C11orf54: variants seen among roughly 807,000 people sequenced by gnomAD.
The protein encoded by C11orf54 is beta-keto L-gulonate decarboxylase.
Under a neutral mutation model 35.5 loss-of-function variants are expected in C11orf54, and 29 were observed. The observed-to-expected ratio is 0.82, with a 90% CI of 0.61 to 1.11. C11orf54 has a LOEUF of 1.11. C11orf54 is among the 50% of genes most tolerant of loss of function. The pLI is 0.00. For missense variants in C11orf54, 373 were observed against 369.2 expected (o/e 1.01, Z -0.08); for synonymous variants, 108 against 121.1 (o/e 0.89, Z 0.71).
At chr11:93,758,348 C>T (rs1212408475) in intron 7 of C11orf54, among the ~76,000 whole-genome samples, 4 of 152,256 alleles carry the variant, frequency 2.6e-5, no homozygotes. Context: ...AGAGCCCCAA[C>T]TGCCCAGGCG....
At chr11:93,755,992 C>T (rs1271700679) in intron 6 of C11orf54, among the ~76,000 whole-genome samples, 1 of 151,704 alleles carries the variant, frequency 6.6e-6, no homozygotes, top group African/African-American at 2.4e-5. Context: ...CATAGCGAAA[C>T]CTCGTCTCTA....
At position 93,757,380 on chromosome 11, in the gene C11orf54, C is replaced by T; in HGVS notation, c.572C>T (p.Thr191Ile). The change falls in exon 7 of 9, where the codon ACC becomes ATC. Residue 191 changes from threonine (T) to isoleucine (I), a missense_variant. Physicochemically the swap from Thr to Ile is moderately conservative, Grantham distance 89 (BLOSUM62 -1). Transcript: ENST00000354421. ...AACTTTGTGACTTGTATGAGAGAGA[C>T]CCTGGAAAAACATTATGGAAATAAG... ...PLNFVTCMRE[T>I]LEKHYGNKPI... The T allele has an allele frequency of 6.3e-7, 1 of 1,598,074 alleles. No homozygotes were observed. Among genetic ancestry groups the T allele is most frequent in the Non-Finnish European group, 8.5e-7 (1 of 1,179,696 alleles).
chr11:93,756,306 C>T (rs1345238980), intron 6 of C11orf54, among the ~76,000 whole-genome samples: 4 of 144,182 alleles, frequency 2.8e-5, no homozygotes. Flanking sequence ...CATGGCAAGA[C>T]CCTGTCAAAA....
rs1168952816 is a variant in C11orf54 at position 93,746,134 on chromosome 11, T to C, written c.-97-1163T>C. The C allele has an allele frequency of 2.0e-5, 3 of 152,230 alleles. No individual in the cohort carries two copies. In the East Asian group the frequency reaches 5.8e-4, roughly 29 times the overall value. The allele number at this position is 152,230 out of a possible 1,614,324, so 9.4% of individuals were successfully genotyped here. On this transcript the variant is annotated intron_variant, in intron 1 of 8. Coordinates refer to ENST00000354421, the MANE Select transcript of C11orf54 (RefSeq NM_001286069.2). Reference sequence around the variant, plus strand: ...CAATAGAATGATTATAGAGGATATGTTGTTGGAAAGTACCAGAACTAGAAA... The same window carrying C: ...CAATAGAATGATTATAGAGGATATGCTGTTGGAAAGTACCAGAACTAGAAA...
At chr11:93,755,457 C>T (rs1390356895) in intron 6 of C11orf54, 71 bp downstream of exon 6, 5 of 1,502,372 alleles carry the variant, frequency 3.3e-6, no homozygotes, top group South Asian at 1.2e-5. Context: ...ACTTTTACTG[C>T]CATAAATATG....
At chr11:93,743,374 G>A (rs1942254302) in intron 1 of C11orf54, among the ~76,000 whole-genome samples, 1 of 152,214 alleles carries the variant, frequency 6.6e-6, no homozygotes, top group Non-Finnish European at 1.5e-5. Flanking sequence ...TGCAGTTGAA[G>A]CAGGATATTC....
intron 2 of C11orf54, among the ~76,000 whole-genome samples, chr11:93,749,281 A>G (rs964892738): frequency 1.3e-5 from 2 of 152,086 alleles, no homozygotes; most frequent in Non-Finnish European, 2.9e-5. Context: ...CAGGAGTTTG[A>G]GAGCCACCTG....
chr11:93,757,513 C>T, intron 7 of C11orf54, 48 bp downstream of exon 7: 1 of 1,535,244 alleles, frequency 6.5e-7, no homozygotes, highest in Non-Finnish European at 8.7e-7. Flanking sequence ...TGTGTGTGTG[C>T]ACTTACTTAA....
chr11:93,758,574 C>T (rs531315375), intron 7 of C11orf54, among the ~76,000 whole-genome samples: 1 of 152,366 alleles, frequency 6.6e-6, no homozygotes, highest in Admixed American at 6.5e-5. Flanking sequence ...CTGTCGGCGC[C>T]TGCTCCGATC....
chr11:93,749,851 C>T (rs1396813439), intron 2 of C11orf54, among the ~76,000 whole-genome samples: 2 of 152,172 alleles, frequency 1.3e-5, no homozygotes, highest in African/African-American at 2.4e-5. Context: ...ATATTTCCAA[C>T]ATCCCAGAAG....
chr11:93,750,011 G>A (rs1057062144), intron 2 of C11orf54, among the ~76,000 whole-genome samples: 6 of 152,108 alleles, frequency 3.9e-5, no homozygotes, highest in Admixed American at 3.9e-4. Context: ...ACATGTGATT[G>A]CTTACTTTTT....
intron 7 of C11orf54, 66 bp from the exon 8 acceptor site, chr11:93,759,676 T>G: frequency 1.3e-6 from 1 of 741,538 alleles, no homozygotes; most frequent in Non-Finnish European, 2.0e-6. Context: ...GTAAAATATA[T>G]TTTTAAAATT....
intron 6 of C11orf54, among the ~76,000 whole-genome samples, chr11:93,755,705 A>G (rs1943100641): frequency 6.7e-6 from 1 of 148,920 alleles, no homozygotes; most frequent in African/African-American, 2.5e-5. Flanking sequence ...GTGAGCCAAG[A>G]TCATGCTACT....
In C11orf54 at chr11:93,747,299, C is replaced by G. The variant is rs1264860944; in HGVS notation, c.-95C>G. 1 of 916,810 alleles carries G rather than the reference C, an allele frequency of 1.1e-6. No individual in the cohort carries two copies. Among genetic ancestry groups the G allele is most frequent in the East Asian group, 2.8e-5 (1 of 36,018 alleles). 56.8% of individuals were successfully genotyped at this position (916,810 alleles called of 1,614,324 possible). On this transcript the variant is annotated splice_region_variant and 5_prime_UTR_variant, in exon 2 of 9. Transcript: ENST00000354421. The stretch of plus-strand genomic sequence containing the variant: ...GAATGCTCAATGTTCATTTCCAGAA[C>G]AGAAACTGTTCATACTTGGTGCGCT...
At chr11:93,753,437 C>G (rs1316353093) in intron 3 of C11orf54, among the ~76,000 whole-genome samples, 1 of 152,182 alleles carries the variant, frequency 6.6e-6, no homozygotes. Context: ...AGTTCTAACC[C>G]TTGCCCTTGC....
intron 3 of C11orf54, among the ~76,000 whole-genome samples, chr11:93,751,096 T>TTATA (rs1281081008): frequency 6.6e-6 from 1 of 152,194 alleles, no homozygotes; most frequent in African/African-American, 2.4e-5. Context: ...CCCCCTCCTG[T>TTATA]TATACCCTAT....
intron 1 of C11orf54, chr11:93,742,747 G>C (rs895116183): frequency 4.6e-5 from 7 of 152,150 alleles, no homozygotes; most frequent in African/African-American, 1.4e-4. Flanking sequence ...TAAAAAGTCC[G>C]ATCCTTTAGG....
At chr11:93,746,301 T>C (rs1162609244) in intron 1 of C11orf54, 1 of 152,234 alleles carries the variant, frequency 6.6e-6, no homozygotes, top group Non-Finnish European at 1.5e-5. Flanking sequence ...TGAAGTGTTC[T>C]ATTAACAGTT....
chr11:93,753,950 T>C lies in C11orf54; in HGVS notation c.243T>C (p.Asn81=), dbSNP rs779807323. The change falls in exon 5 of 9, where the codon AAT becomes AAC. Residue 81 remains asparagine (N), a synonymous_variant. Transcript: ENST00000354421. ...LVNQKKVYDL[N]KIAKEIKLPG... ...CTCTTCTATAGGTTTATGATCTGAA[T>C]AAAATTGCAAAAGAAATCAAGCTGC... 5.6e-6 allele frequency: 9 copies of C among 1,613,912 alleles called. No homozygotes were observed. Among genetic ancestry groups the C allele is most frequent in the Middle Eastern group, 1.6e-4 (1 of 6,082 alleles).
Sources: gnomAD v4.1 joint callset for allele counts (sites outside exome capture counted in the v4.1 genomes callset) on GRCh38, gnomAD v4.1.1 for gene constraint, MANE v1.5 for transcripts, NCBI Gene and HGNC (gene_info 2026-07-23, HGNC 2026-07-21) for gene names.